GLB1L3: variants seen among roughly 807,000 people sequenced by gnomAD.
GLB1L3 encodes galactosidase beta 1 like 3.
In GLB1L3, 89 loss-of-function variants were observed where a neutral mutation model predicts 89.5. The observed-to-expected ratio is 0.99, with a 90% CI of 0.84 to 1.19. The LOEUF (loss-of-function observed/expected upper bound fraction) is 1.19, where lower values mean the gene tolerates loss of function less well. Ranked by LOEUF, GLB1L3 falls within the 50% of genes most tolerant of loss-of-function variation. The pLI, the probability that GLB1L3 is intolerant of heterozygous loss-of-function variation, is 0.00. For missense variants in GLB1L3, 812 were observed against 813.3 expected, an observed-to-expected ratio of 1.00 and a Z score of 0.02; for synonymous variants, 314 against 312.3, an observed-to-expected ratio of 1.01 and a Z score of -0.06.
intron 3 of GLB1L3, among the ~76,000 whole-genome samples, chr11:134,278,666 G>A (rs1940519451): frequency 6.6e-6 from 1 of 152,130 alleles, no homozygotes; most frequent in Admixed American, 6.5e-5. Context: ...ACCATTTTGT[G>A]GCAAGCTTAC....
chr11:134,289,752 C>G (rs1227909000), intron 7 of GLB1L3, among the ~76,000 whole-genome samples: 2 of 152,236 alleles, frequency 1.3e-5, no homozygotes, highest in Non-Finnish European at 2.9e-5. Context: ...CTTGCTTCTT[C>G]ACGGAGGGAC....
In GLB1L3 at chr11:134,318,187, T is replaced by C. The variant is rs114600182; in HGVS notation, c.1780-444T>C. On this transcript the variant is annotated intron_variant, in intron 18 of 19. Coordinates refer to ENST00000431683, the MANE Select transcript of GLB1L3 (RefSeq NM_001080407.3). Reference sequence around the variant, plus strand: ...TTATATCCCAGAATAAGCAGGTGCCTCTAGTGGAAAAACTGCCTAGATGTC... The same window carrying C: ...TTATATCCCAGAATAAGCAGGTGCCCCTAGTGGAAAAACTGCCTAGATGTC... Among the ~76,000 whole-genome samples the C allele has an allele frequency of 6.6e-3, 1,011 of 152,290 alleles. 17 individuals carry two copies. The highest frequency in any genetic ancestry group is 0.023 in the African/African-American group (947 of 41,550).
intron 9 of GLB1L3, among the ~76,000 whole-genome samples, chr11:134,304,175 T>C (rs915119558): frequency 6.6e-6 from 1 of 152,166 alleles, no homozygotes; most frequent in Non-Finnish European, 1.5e-5. Context: ...TCATTAAACC[T>C]TCTCAAATGT....
At chr11:134,305,105 C>G (rs1022342861) in intron 9 of GLB1L3, 23 of 1,548,022 alleles carry the variant, frequency 1.5e-5, no homozygotes, top group Middle Eastern at 1.7e-4. Flanking sequence ...TTTGCTTTCT[C>G]TCCTCCCAGG....
At chr11:134,299,045 ACTTAT>A (rs1941805423) in intron 9 of GLB1L3, among the ~76,000 whole-genome samples, 1 of 151,852 alleles carries the variant, frequency 6.6e-6, no homozygotes. Context: ...ATTTCTACTG[ACTTAT>A]CTTTAAGTTC....
chr11:134,278,563 G>GCCTGTATACAACTGACCAGCCAC (rs1260335552), intron 3 of GLB1L3, among the ~76,000 whole-genome samples: 6 of 152,170 alleles, frequency 3.9e-5, no homozygotes, highest in Non-Finnish European at 8.8e-5. Flanking sequence ...TCGTCCTCAT[G>GCCTGTATACAACTGACCAGCCAC]CCTGTATACA....
chr11:134,324,863 A>G, the GLB1L3 span, among the ~76,000 whole-genome samples: 1 of 145,484 alleles, frequency 6.9e-6, no homozygotes, highest in African/African-American at 2.4e-5. Context: ...GTGATATAAC[A>G]TAATCTTTAT....
At chr11:134,323,379 G>T (rs1276494671), downstream of GLB1L3, among the ~76,000 whole-genome samples, 1 of 136,602 alleles carries the variant, frequency 7.3e-6, no homozygotes, top group Non-Finnish European at 1.6e-5. Flanking sequence ...ACATGCGTGC[G>T]CACACACACA....
chr11:134,323,969 A>G (rs1395953859), downstream of GLB1L3, among the ~76,000 whole-genome samples: 2 of 152,228 alleles, frequency 1.3e-5, no homozygotes, highest in African/African-American at 4.8e-5. Flanking sequence ...TTCTAAATAC[A>G]GAGCTAAAAG....
intron 14 of GLB1L3, 118 bp from the exon 15 acceptor site, chr11:134,312,698 A>G: frequency 1.0e-6 from 1 of 959,430 alleles, no homozygotes; most frequent in Non-Finnish European, 1.6e-6. Flanking sequence ...TCATGCCATC[A>G]GTGAGCACCA....
At chr11:134,305,113 A>G (rs1393651892) in intron 9 of GLB1L3, 1 of 1,548,836 alleles carries the variant, frequency 6.5e-7, no homozygotes, top group Non-Finnish European at 8.7e-7. Context: ...CTCTCCTCCC[A>G]GGGAGCCAGT....
intron 3 of GLB1L3, among the ~76,000 whole-genome samples, chr11:134,278,572 C>G (rs916032146): frequency 6.6e-6 from 1 of 152,176 alleles, no homozygotes; most frequent in African/African-American, 2.4e-5. Flanking sequence ...TGCCTGTATA[C>G]AACTGACCAG....
At chr11:134,305,003 C>CTAACAATGTATCTTAGTGGCATAA in intron 9 of GLB1L3, 2 of 1,235,562 alleles carry the variant, frequency 1.6e-6, no homozygotes, top group African/African-American at 1.5e-5. Context: ...TGCGACTGCG[C>CTAACAATGTATCTTAGTGGCATAA]TAACAATGTA....
At chr11:134,299,443 A>G (rs1941825905) in intron 9 of GLB1L3, among the ~76,000 whole-genome samples, 1 of 152,094 alleles carries the variant, frequency 6.6e-6, no homozygotes, top group Non-Finnish European at 1.5e-5. Context: ...TCATTCTGCT[A>G]GGCCATGTGG....
At chr11:134,318,278 A>G (rs1207696205) in intron 18 of GLB1L3, among the ~76,000 whole-genome samples, 1 of 152,194 alleles carries the variant, frequency 6.6e-6, no homozygotes, top group African/African-American at 2.4e-5. Flanking sequence ...TTGCAAGCAG[A>G]TTTTTAAAAA....
chr11:134,317,494 A>C (rs1445889630), intron 18 of GLB1L3, among the ~76,000 whole-genome samples: 1 of 152,142 alleles, frequency 6.6e-6, no homozygotes, highest in African/African-American at 2.4e-5. Flanking sequence ...AATTTCCAAG[A>C]ATTTGGATAT....
In GLB1L3 at chr11:134,277,834, A is replaced by G. The variant is rs767702269; in HGVS notation, c.284A>G (p.His95Arg). 6.2e-7 allele frequency: 1 copy of G among 1,613,992 alleles called. No homozygotes were observed. Among genetic ancestry groups the G allele is most frequent in the African/African-American group, 1.3e-5 (1 of 75,004 alleles). ...TTCCTGATCTTCGGGGGCTCCATCC[A>G]CTATTTCCGGGTGCCCAGGGAGTAC... ...HKFLIFGGSI[H>R]YFRVPREYWR... Residue 95 changes from histidine (H) to arginine (R), a missense_variant, in exon 3 of 20, where the codon CAC becomes CGC. Around this residue, in one of 3 missense-constraint regions of GLB1L3, gnomAD observed 191 missense variants for 191.4 expected, o/e 1.00. Transcript: ENST00000431683.
intron 8 of GLB1L3, 162 bp downstream of exon 8, chr11:134,292,375 G>A (rs1591550807): frequency 1.7e-6 from 1 of 585,012 alleles, no homozygotes; most frequent in Non-Finnish European, 3.1e-6. Context: ...GAGGACTCAA[G>A]GTTAAGGCTC....
At chr11:134,298,066 T>G (rs1254158423) in intron 9 of GLB1L3, among the ~76,000 whole-genome samples, 2 of 151,306 alleles carry the variant, frequency 1.3e-5, no homozygotes, top group African/African-American at 4.9e-5. Flanking sequence ...TTAATTCTTA[T>G]CTTTTTTTTT....
Sources: allele counts gnomAD v4.1 joint callset (sites outside exome capture counted in the v4.1 genomes callset), GRCh38; gene constraint gnomAD v4.1.1; regional missense constraint gnomAD v4.1.1; transcripts MANE v1.5; gene names NCBI Gene and HGNC (gene_info 2026-07-23, HGNC 2026-07-21).